CHAF1A: variants seen among roughly 807,000 people sequenced by gnomAD.
CHAF1A encodes CAF-1 subunit A.
CHAF1A carries 5 observed loss-of-function variants against 93.2 expected under a neutral mutation model. That is an observed-to-expected ratio of 0.05 (90% CI 0.03 to 0.11). The LOEUF is 0.11. Among genes scored for constraint, CHAF1A ranks in the 10% least tolerant of loss-of-function variants. CHAF1A has a pLI of 1.00. For missense variants in CHAF1A, 1,102 were observed against 1,259.9 expected, an observed-to-expected ratio of 0.87 and a Z score of 1.90; for synonymous variants, 504 against 510.3, an observed-to-expected ratio of 0.99 and a Z score of 0.17.
Position 4,402,662 on chromosome 19 carries a change from G to A in CHAF1A, c.-101G>A, listed in dbSNP as rs774187393. The A allele has an allele frequency of 1.8e-4, 126 of 684,306 alleles. No individual in the cohort carries two copies. Among genetic ancestry groups the A allele is most frequent in the Middle Eastern group, 5.1e-4 (1 of 1,954 alleles). The allele number at this position is 684,306 out of a possible 1,614,324, so 42.4% of individuals were successfully genotyped here. On this transcript the variant is annotated 5_prime_UTR_variant, in exon 1 of 15. Transcript: ENST00000301280. ...CGCCAAATACGAGCGCGGCGGCCGC[G>A]GCGGCAGCAGCGGCGCGGGCGGGAG...
rs1277372447 is a variant in CHAF1A, at chr19:4,409,672, T to C, written c.873T>C (p.Ser291=). 6.2e-7 allele frequency: 1 copy of C among 1,614,160 alleles called. No individual in the cohort carries two copies. Among genetic ancestry groups the C allele is most frequent in the South Asian group, 1.1e-5 (1 of 91,086 alleles). The change falls in exon 3 of 15, where the codon TCT becomes TCC. Residue 291 remains serine (S), a synonymous_variant. Transcript: ENST00000301280. ...VLSHSSLSSP[S]STSSPEGPPA... is the part of the protein sequence containing the mutation. ...GCCATTCGTCCCTGAGCTCTCCCTCTTCCACCAGCTCGCCCGAGGGGCCGC... is the reference window on the plus strand; with the variant it reads ...GCCATTCGTCCCTGAGCTCTCCCTCCTCCACCAGCTCGCCCGAGGGGCCGC...
At chr19:4,448,330 T>C, downstream of CHAF1A, 2 of 1,607,594 alleles carry the variant, frequency 1.2e-6, no homozygotes, top group Middle Eastern at 1.7e-4. Context: ...GGCAATGGTG[T>C]CCACACCCAG....
At chr19:4,448,203 C>T (rs1331766748), downstream of CHAF1A, 10 of 982,600 alleles carry the variant, frequency 1.0e-5, no homozygotes, top group Admixed American at 2.1e-4. Flanking sequence ...GCCTATGCTC[C>T]TTCCCAACCC....
At position 4,433,545 on chromosome 19, in the gene CHAF1A, G is replaced by A. The variant is rs1281175712; in HGVS notation, c.2673+6G>A. 4 of 1,565,322 alleles carry A rather than the reference G, an allele frequency of 2.6e-6. No homozygotes were observed. Among genetic ancestry groups the A allele is most frequent in the Non-Finnish European group, 3.5e-6 (4 of 1,147,870 alleles). On this transcript the variant is annotated splice_donor_region_variant and intron_variant, in intron 13 of 14. Coordinates refer to ENST00000301280, the MANE Select transcript of CHAF1A (RefSeq NM_005483.3). The surrounding 1 kb of genome is among the most constrained non-coding windows in gnomAD (Gnocchi z 5.6). ...AGCGCAGGCACGACGGCCAGGTGAGGTGGGGTGGGCAGGTGGGGGCCTCTG... is the reference window on the plus strand; with the variant it reads ...AGCGCAGGCACGACGGCCAGGTGAGATGGGGTGGGCAGGTGGGGGCCTCTG...
downstream of CHAF1A, chr19:4,447,748 G>T: frequency 1.0e-6 from 1 of 955,568 alleles, no homozygotes; most frequent in Non-Finnish European, 1.7e-6. Flanking sequence ...GGAAGAAGCG[G>T]CCCAGTGACG....
chr19:4,432,701 A>G (rs1166365394), intron 12 of CHAF1A, among the ~76,000 whole-genome samples: 1 of 151,092 alleles, frequency 6.6e-6, no homozygotes, highest in African/African-American at 2.4e-5. Flanking sequence ...TTCAGACCAC[A>G]GTGAGCCATG....
chr19:4,429,366 G>A (rs1974139663), intron 8 of CHAF1A, 72 bp from the exon 9 acceptor site: 3 of 1,528,556 alleles, frequency 2.0e-6, no homozygotes, highest in Non-Finnish European at 8.9e-7. Flanking sequence ...AGCTTCACAG[G>A]GAGGTTCCTG....
intron 3 of CHAF1A, among the ~76,000 whole-genome samples, chr19:4,412,892 C>T (rs1364010314): frequency 6.6e-6 from 1 of 152,188 alleles, no homozygotes; most frequent in Non-Finnish European, 1.5e-5. Context: ...CTGTCAGTCA[C>T]CGAAGCTATG....
At chr19:4,430,199 A>T in intron 10 of CHAF1A, 1 of 325,398 alleles carries the variant, frequency 3.1e-6, no homozygotes, top group Non-Finnish European at 5.8e-6. Context: ...TTTCTTTAAG[A>T]TGGAGTCTCA....
chr19:4,418,477 G>A (rs916020571), intron 4 of CHAF1A, among the ~76,000 whole-genome samples: 2 of 145,840 alleles, frequency 1.4e-5, no homozygotes, highest in Non-Finnish European at 3.0e-5. Context: ...GTGCAGTGGT[G>A]CGATCTCGGC....
intron 4 of CHAF1A, among the ~76,000 whole-genome samples, chr19:4,421,289 G>A (rs1973986828): frequency 6.6e-6 from 1 of 151,890 alleles, no homozygotes; most frequent in African/African-American, 2.4e-5. Context: ...GGCCAGGCTG[G>A]TCTCAAACTT....
downstream of CHAF1A, chr19:4,448,311 C>G (rs755604057): frequency 1.3e-6 from 2 of 1,599,028 alleles, no homozygotes; most frequent in African/African-American, 2.7e-5. Flanking sequence ...AGGGGCCACA[C>G]GCTCACTTGG....
At chr19:4,426,126 C>G (rs139141208) in intron 7 of CHAF1A, among the ~76,000 whole-genome samples, 1 of 150,058 alleles carries the variant, frequency 6.7e-6, no homozygotes, top group Non-Finnish European at 1.5e-5. Flanking sequence ...TTTCATTCTC[C>G]GTGATATTTC....
At chr19:4,440,460 T>A (rs904712647) in intron 13 of CHAF1A, among the ~76,000 whole-genome samples, 5 of 150,816 alleles carry the variant, frequency 3.3e-5, no homozygotes, top group Non-Finnish European at 5.9e-5. Flanking sequence ...AAAAAAAAAA[T>A]TAGCTGGGCG....
At chr19:4,430,736 G>A in intron 11 of CHAF1A, 95 bp downstream of exon 11, 2 of 1,314,000 alleles carry the variant, frequency 1.5e-6, no homozygotes, top group Admixed American at 3.7e-5. Flanking sequence ...GGGGGTCCCA[G>A]CCCAACCATA....
intron 13 of CHAF1A, among the ~76,000 whole-genome samples, chr19:4,439,157 G>A (rs1039697685): frequency 1.3e-5 from 2 of 151,652 alleles, no homozygotes; most frequent in African/African-American, 4.9e-5. Flanking sequence ...GTGCACGCCT[G>A]TAATCCCAGC....
chr19:4,411,209 G>A (rs1973791417), intron 3 of CHAF1A, among the ~76,000 whole-genome samples: 1 of 151,926 alleles, frequency 6.6e-6, no homozygotes, highest in Non-Finnish European at 1.5e-5. Context: ...TCGCTTTCGG[G>A]ATTTTGAGCT....
chr19:4,402,685 G>T lies in CHAF1A; in HGVS notation c.-78G>T. ...GCGGCGGCAGCAGCGGCGCGGGCGG[G>T]AGGGCGAAGAGCAGCGGCCGCCTGA... On this transcript the variant is annotated 5_prime_UTR_variant, in exon 1 of 15. Coordinates refer to ENST00000301280, the MANE Select transcript of CHAF1A (RefSeq NM_005483.3). The T allele has an allele frequency of 4.8e-6, 4 of 831,092 alleles. No homozygotes were observed. Among genetic ancestry groups the T allele is most frequent in the Middle Eastern group, 4.3e-4 (1 of 2,302 alleles). 51.5% of individuals were successfully genotyped at this position (831,092 alleles called of 1,614,324 possible).
chr19:4,433,675 A>G lies in CHAF1A; in HGVS notation c.2673+136A>G. 1.5e-6 allele frequency: 1 copy of G among 674,780 alleles called. No homozygotes were observed. Among genetic ancestry groups the G allele is most frequent in the South Asian group, 2.1e-5 (1 of 47,966 alleles). 41.8% of individuals were successfully genotyped at this position (674,780 alleles called of 1,614,324 possible). A position where few individuals can be genotyped will look rare whatever the true frequency, so the allele number is the denominator to read the frequency against. On this transcript the variant is annotated intron_variant, in intron 13 of 14. Coordinates refer to ENST00000301280, the MANE Select transcript of CHAF1A (RefSeq NM_005483.3). The surrounding 1 kb of genome is among the most constrained non-coding windows in gnomAD (Gnocchi z 5.6). ...GAGTGCAGTGGCGCAATCTCAGCTC[A>G]CTGCAACCTCCTCCCTCCTGGGTTC...
Sources: allele counts gnomAD v4.1 joint callset (sites outside exome capture counted in the v4.1 genomes callset), GRCh38; gene constraint gnomAD v4.1.1; non-coding constraint Gnocchi (gnomAD v3.1); transcripts MANE v1.5; gene names NCBI Gene and HGNC (gene_info 2026-07-23, HGNC 2026-07-21).